The following GBP7 variants were observed in gnomAD, a reference collection of about 807,000 sequenced individuals.
GBP7 encodes guanylate binding protein 7.
In GBP7, 43 loss-of-function variants were observed where a neutral mutation model predicts 61.3. The ratio of observed to expected loss-of-function variants is 0.70; its 90% confidence interval spans 0.55 to 0.91. GBP7 has a LOEUF of 0.91. Among genes scored for constraint, GBP7 ranks in the 40% least tolerant of loss-of-function variants. The pLI is 0.00. For missense variants in GBP7, 717 were observed against 740.5 expected, an observed-to-expected ratio of 0.97 and a Z score of 0.37; for synonymous variants, 267 against 271.0, an observed-to-expected ratio of 0.99 and a Z score of 0.14.
At chr1:89,165,109 A>G (rs1369498925) in intron 2 of GBP7, among the ~76,000 whole-genome samples, 1 of 152,208 alleles carries the variant, frequency 6.6e-6, no homozygotes, top group East Asian at 1.9e-4. Flanking sequence ...AACTCTATTA[A>G]CCTGTTGCTA....
chr1:89,161,459 A>G (rs548619684), intron 3 of GBP7, among the ~76,000 whole-genome samples: 1 of 152,210 alleles, frequency 6.6e-6, no homozygotes, highest in East Asian at 1.9e-4. Context: ...TTTTAATAAT[A>G]GCCATTCTGA....
At chr1:89,132,435 T>C (rs778145039) in intron 10 of GBP7, 32 bp from the exon 11 acceptor site, 2 of 1,533,516 alleles carry the variant, frequency 1.3e-6, no homozygotes, top group Admixed American at 2.2e-5. Flanking sequence ...CTTTTGAAAA[T>C]CCCCAATTTT....
At chr1:89,171,164 G>T (rs1285898614) in intron 2 of GBP7, among the ~76,000 whole-genome samples, 1 of 152,062 alleles carries the variant, frequency 6.6e-6, no homozygotes, top group African/African-American at 2.4e-5. Context: ...GTTAACAGAG[G>T]AACTCAAGAT....
At chr1:89,166,038 A>C (rs1647428428) in intron 2 of GBP7, among the ~76,000 whole-genome samples, 1 of 152,098 alleles carries the variant, frequency 6.6e-6, no homozygotes, top group Non-Finnish European at 1.5e-5. Flanking sequence ...TTAATCTTGG[A>C]CTTCCCAACC....
intron 2 of GBP7, 136 bp downstream of exon 2, chr1:89,171,610 G>C: frequency 1.6e-6 from 1 of 621,700 alleles, no homozygotes. Context: ...GAATTTGAAG[G>C]GTTCACTGAT....
At chr1:89,153,248 AATTC>A (rs1297595527) in intron 3 of GBP7, among the ~76,000 whole-genome samples, 1 of 152,184 alleles carries the variant, frequency 6.6e-6, no homozygotes, top group Non-Finnish European at 1.5e-5. Context: ...TTCACTTATT[AATTC>A]ATTCATTTGG....
chr1:89,164,641 A>G lies in GBP7; in HGVS notation c.318+90T>C, dbSNP rs1647367057. 8.8e-6 allele frequency: 11 copies of G among 1,254,784 alleles called. No homozygotes were observed. The East Asian group carries it at 2.7e-4, about 31-fold the overall frequency. The allele number at this position is 1,254,784 out of a possible 1,614,324, so 77.7% of individuals were successfully genotyped here. On this transcript the variant is annotated intron_variant, in intron 3 of 10. Coordinates refer to ENST00000294671, the MANE Select transcript of GBP7 (RefSeq NM_207398.3). ...CCCATAATCAGATTTGTGATTCAGGAATAGGCCAGAGAAGTTGGATTGATA... is the reference window on the plus strand; with the variant it reads ...CCCATAATCAGATTTGTGATTCAGGGATAGGCCAGAGAAGTTGGATTGATA...
chr1:89,132,482 T>G, intron 10 of GBP7, 79 bp from the exon 11 acceptor site: 2 of 1,032,284 alleles, frequency 1.9e-6, no homozygotes, highest in Non-Finnish European at 1.4e-6. Context: ...ATTTCATTAG[T>G]TAAACATGTG....
intron 2 of GBP7, among the ~76,000 whole-genome samples, chr1:89,169,390 G>T: frequency 6.6e-6 from 1 of 152,142 alleles, no homozygotes; most frequent in Non-Finnish European, 1.5e-5. Context: ...AAATAATCAG[G>T]CTTTGTTTGA....
intron 6 of GBP7, 148 bp downstream of exon 6, chr1:89,150,182 C>T: frequency 3.0e-6 from 2 of 676,726 alleles, no homozygotes; most frequent in Non-Finnish European, 5.0e-6. Flanking sequence ...GCTTTTATAC[C>T]CTCACTGAGA....
In GBP7 at chr1:89,155,555, T is replaced by C. The variant is rs566231738; in HGVS notation, c.319-2778A>G. ...AAAGCATGGCACGAGAACTACGTGA[T>C]GCATGCACAAGCTTCAGTAGCCAAT... is the stretch of plus-strand genomic sequence containing the variant. On this transcript the variant is annotated intron_variant, in intron 3 of 10. Transcript: ENST00000294671. Among the ~76,000 whole-genome samples, 18 of 152,280 alleles carry C rather than the reference T, an allele frequency of 1.2e-4. No individual in the cohort carries two copies. The East Asian group carries it at 3.5e-3, about 29-fold the overall frequency.
chr1:89,163,525 A>G (rs1647334176), intron 3 of GBP7, among the ~76,000 whole-genome samples: 1 of 151,826 alleles, frequency 6.6e-6, no homozygotes, highest in South Asian at 2.1e-4. Flanking sequence ...AAATTTGTCC[A>G]TTTTGTGTAG....
At chr1:89,156,394 A>G (rs1391415236) in intron 3 of GBP7, among the ~76,000 whole-genome samples, 3 of 152,238 alleles carry the variant, frequency 2.0e-5, no homozygotes, top group African/African-American at 7.2e-5. Context: ...CTCCAATTAA[A>G]AGACACAGAC....
At chr1:89,146,477 A>G (rs1682066947) in intron 8 of GBP7, among the ~76,000 whole-genome samples, 2 of 152,200 alleles carry the variant, frequency 1.3e-5, no homozygotes, top group Admixed American at 1.3e-4. Flanking sequence ...AAAGAAAGGA[A>G]AAAAGAAAAG....
At chr1:89,161,694 T>C (rs1647275084) in intron 3 of GBP7, among the ~76,000 whole-genome samples, 1 of 152,170 alleles carries the variant, frequency 6.6e-6, no homozygotes, top group Non-Finnish European at 1.5e-5. Flanking sequence ...CTGCAGAGTT[T>C]GCAAATATTT....
chr1:89,142,397 C>T (rs72961470), intron 8 of GBP7, among the ~76,000 whole-genome samples: 1,669 of 152,256 alleles, frequency 0.011, 32 homozygotes, highest in African/African-American at 0.039. Context: ...CAGATGTGTG[C>T]CACCGCAGCT....
At chr1:89,162,464 T>A (rs1448120387) in intron 3 of GBP7, among the ~76,000 whole-genome samples, 3 of 152,192 alleles carry the variant, frequency 2.0e-5, no homozygotes, top group Admixed American at 1.3e-4. Context: ...GAGCAGTGGT[T>A]TGTAGTTCTC....
At chr1:89,143,577 A>G (rs1682000664) in intron 8 of GBP7, among the ~76,000 whole-genome samples, 1 of 152,172 alleles carries the variant, frequency 6.6e-6, no homozygotes, top group Non-Finnish European at 1.5e-5. Context: ...AAAGAGGTTT[A>G]ATGGGCTCAT....
At chr1:89,147,818 T>C (rs1682103919) in intron 7 of GBP7, 39 bp from the exon 8 acceptor site, 1 of 1,603,274 alleles carries the variant, frequency 6.2e-7, no homozygotes, top group Admixed American at 1.7e-5. Context: ...AGAAAGAAGC[T>C]GTTAGAAGGG....
Sources: gnomAD v4.1 joint callset for allele counts (sites outside exome capture counted in the v4.1 genomes callset) on GRCh38, gnomAD v4.1.1 for gene constraint, MANE v1.5 for transcripts, NCBI Gene and HGNC (gene_info 2026-07-23, HGNC 2026-07-21) for gene names.